Variants in CCDC171 observed in about 807,000 individuals in gnomAD.
CCDC171 encodes coiled-coil domain-containing protein 171.
A neutral mutation model predicts 168.2 loss-of-function variants in CCDC171; 177 were observed. The observed-to-expected ratio is 1.05, with a 90% CI of 0.93 to 1.19. CCDC171 has a LOEUF of 1.19. Ranked by LOEUF, CCDC171 falls within the 50% of genes most tolerant of loss-of-function variation. The probability of loss-of-function intolerance (pLI) is 0.00; values close to 1 mark genes in which losing one functional copy is unlikely to be tolerated. For synonymous variants in CCDC171, 687 were observed against 540.8 expected (o/e 1.27, Z -3.75); for missense variants, 1,991 against 1,539.0 (o/e 1.29, Z -4.91).
At chr9:16,100,194 T>C in the CCDC171 span, among the ~76,000 whole-genome samples, 1 of 152,086 alleles carries the variant, frequency 6.6e-6, no homozygotes, top group Non-Finnish European at 1.5e-5. Flanking sequence ...CCCCATCTTA[T>C]TGAACTAAAT....
At chr9:15,691,725 C>T (rs1026054696) in intron 10 of CCDC171, among the ~76,000 whole-genome samples, 21 of 151,846 alleles carry the variant, frequency 1.4e-4, no homozygotes, top group Non-Finnish European at 2.1e-4. Context: ...TCGCCCAGGC[C>T]GGAGTGCAGT....
intron 16 of CCDC171, among the ~76,000 whole-genome samples, chr9:15,740,900 T>G (rs560314062): frequency 2.1e-4 from 32 of 152,308 alleles, no homozygotes; most frequent in African/African-American, 7.7e-4. Context: ...TTAGGAATAA[T>G]TGAATCTTTG....
chr9:15,825,481 A>G (rs2059973934), intron 21 of CCDC171, among the ~76,000 whole-genome samples: 1 of 152,174 alleles, frequency 6.6e-6, no homozygotes, highest in Non-Finnish European at 1.5e-5. Context: ...TAAATTACAA[A>G]TAGAAAGTTA....
chr9:15,848,654 A>G (rs1019500231), intron 22 of CCDC171, among the ~76,000 whole-genome samples: 4 of 151,768 alleles, frequency 2.6e-5, no homozygotes. Flanking sequence ...AGGCAACAAA[A>G]TTTAAGATAT....
At chr9:15,558,976 T>C (rs575551234) in intron 1 of CCDC171, among the ~76,000 whole-genome samples, 2 of 152,184 alleles carry the variant, frequency 1.3e-5, no homozygotes, top group Non-Finnish European at 2.9e-5. Flanking sequence ...ATTTCTGCCT[T>C]CATTTCGTTA....
chr9:15,776,839 T>C (rs2057353488), intron 18 of CCDC171, among the ~76,000 whole-genome samples: 1 of 152,240 alleles, frequency 6.6e-6, no homozygotes, highest in Non-Finnish European at 1.5e-5. Flanking sequence ...GCAGAGGCTC[T>C]TAAAAATGTA....
intron 16 of CCDC171, among the ~76,000 whole-genome samples, chr9:15,730,424 A>G (rs1467331674): frequency 1.3e-5 from 2 of 151,936 alleles, no homozygotes; most frequent in Non-Finnish European, 2.9e-5. Flanking sequence ...ATTGTTAACT[A>G]TCATCTTCAC....
At chr9:15,633,193 G>A (rs912348841) in intron 7 of CCDC171, among the ~76,000 whole-genome samples, 1 of 152,144 alleles carries the variant, frequency 6.6e-6, no homozygotes, top group Non-Finnish European at 1.5e-5. Flanking sequence ...AAACTAAAGA[G>A]CTCCTACACA....
chr9:15,796,903 TAGCA>T (rs2058584952), intron 21 of CCDC171, among the ~76,000 whole-genome samples: 1 of 152,196 alleles, frequency 6.6e-6, no homozygotes, highest in South Asian at 2.1e-4. Flanking sequence ...AGTGGGTGAC[TAGCA>T]AGCACCCAGA....
At chr9:15,748,783 T>G (rs1370752889) in intron 18 of CCDC171, among the ~76,000 whole-genome samples, 2 of 152,172 alleles carry the variant, frequency 1.3e-5, no homozygotes, top group African/African-American at 2.4e-5. Flanking sequence ...TGAGAGATTT[T>G]GTCACCACCA....
chr9:15,631,672 A>T (rs1178224708), intron 7 of CCDC171, among the ~76,000 whole-genome samples: 1 of 152,220 alleles, frequency 6.6e-6, no homozygotes, highest in African/African-American at 2.4e-5. Flanking sequence ...TCATTTTATG[A>T]GGCCAGCATC....
At chr9:15,646,736 C>T (rs2047072763) in intron 7 of CCDC171, among the ~76,000 whole-genome samples, 1 of 152,194 alleles carries the variant, frequency 6.6e-6, no homozygotes, top group African/African-American at 2.4e-5. Flanking sequence ...TACAGGAGCA[C>T]TCAGATTCAT....
intron 3 of CCDC171, among the ~76,000 whole-genome samples, chr9:16,006,752 G>A (rs1461272373): frequency 6.6e-6 from 1 of 152,138 alleles, no homozygotes; most frequent in East Asian, 1.9e-4. Context: ...CCCTACAAAG[G>A]ACAAGAACTC....
At chr9:15,646,250 A>G (rs200402353) in intron 7 of CCDC171, among the ~76,000 whole-genome samples, 1 of 152,212 alleles carries the variant, frequency 6.6e-6, no homozygotes, top group African/African-American at 2.4e-5. Context: ...GAAGGAAGCA[A>G]TAAACATGGA....
chr9:15,737,381 GAGAT>G (rs1381620672), intron 16 of CCDC171, among the ~76,000 whole-genome samples: 1 of 152,140 alleles, frequency 6.6e-6, no homozygotes, highest in African/African-American at 2.4e-5. Flanking sequence ...TTTAGAAGAG[GAGAT>G]AGATGGTCAA....
At chr9:16,082,287 T>C in the CCDC171 span, among the ~76,000 whole-genome samples, 1 of 152,250 alleles carries the variant, frequency 6.6e-6, no homozygotes, top group Non-Finnish European at 1.5e-5. Context: ...ATAAAATGAT[T>C]ATTTCCAACA....
chr9:15,583,700 G>A (rs1240436361), intron 4 of CCDC171, among the ~76,000 whole-genome samples: 1 of 151,950 alleles, frequency 6.6e-6, no homozygotes, highest in Non-Finnish European at 1.5e-5. Flanking sequence ...GGTGATGAGT[G>A]CACCAGAATC....
intron 10 of CCDC171, among the ~76,000 whole-genome samples, chr9:15,694,119 A>G (rs1036811900): frequency 2.6e-5 from 4 of 152,160 alleles, no homozygotes; most frequent in Non-Finnish European, 5.9e-5. Flanking sequence ...CACATCTTGT[A>G]TCCCCTTCTG....
At position 15,784,570 on chromosome 9, in the gene CCDC171, G is replaced by C. The variant is rs750226400; in HGVS notation, c.3143G>C (p.Arg1048Pro). ...ACEELNNALLREEQAQMLLNE... is the reference protein window; with the variant it reads ...ACEELNNALLPEEQAQMLLNE... Reference sequence around the variant, plus strand: ...GAAGAACTAAATAATGCATTACTTCGGGAAGAGCAGGCACAAATGCTATTG... The same window carrying C: ...GAAGAACTAAATAATGCATTACTTCCGGAAGAGCAGGCACAAATGCTATTG... The change falls in exon 21 of 26, where the codon CGG (arginine) becomes CCG (proline). Residue 1048 changes from arginine to proline, a missense_variant. By Grantham distance (103) the Arg-to-Pro change is moderately radical. Coordinates refer to ENST00000380701, the MANE Select transcript of CCDC171 (RefSeq NM_173550.4). 1.2e-6 allele frequency: 2 copies of C among 1,613,176 alleles called. No homozygotes were observed. The highest frequency in any genetic ancestry group is 1.1e-5 in the South Asian group (1 of 91,024).
Sources: gnomAD v4.1 joint callset for allele counts (sites outside exome capture counted in the v4.1 genomes callset) on GRCh38, gnomAD v4.1.1 for gene constraint, MANE v1.5 for transcripts, NCBI Gene and HGNC (gene_info 2026-07-23, HGNC 2026-07-21) for gene names.